The following PPP3CA variants were observed in gnomAD, a reference collection of about 807,000 sequenced individuals.
The protein encoded by PPP3CA is CAM-PRP catalytic subunit.
A neutral mutation model predicts 66.5 loss-of-function variants in PPP3CA; 14 were observed. That is an observed-to-expected ratio of 0.21 (90% CI 0.14 to 0.33). The LOEUF (loss-of-function observed/expected upper bound fraction) is 0.33, where lower values mean the gene tolerates loss of function less well. Ranked by LOEUF, PPP3CA falls within the 10% of genes least tolerant of loss-of-function variation. PPP3CA has a pLI of 1.00. For synonymous variants in PPP3CA, 232 were observed against 226.2 expected (o/e 1.03, Z -0.23); for missense variants, 317 against 639.5 (o/e 0.50, Z 5.44).
chr4:101,165,427 C>T lies in PPP3CA; in HGVS notation c.259+30489G>A, dbSNP rs941934736. 3.3e-5 allele frequency among the ~76,000 whole-genome samples: 5 copies of T among 151,990 alleles called. No individual in the cohort carries two copies. The East Asian group carries it at 7.7e-4, about 23-fold the overall frequency. ...TTTTTTACCTGTACAATCTTTAAGA[C>T]AGATTCAGACAGACACAAACTTAAA... On this transcript the variant is annotated intron_variant, in intron 2 of 13. Transcript: ENST00000394854.
chr4:101,213,906 G>T (rs147978924), intron 1 of PPP3CA, among the ~76,000 whole-genome samples: 1 of 152,088 alleles, frequency 6.6e-6, no homozygotes, highest in Admixed American at 6.6e-5. Context: ...AGAGAAGAAG[G>T]AAATTGAAGA....
rs529113126 is a variant in PPP3CA, at chr4:101,239,490, G to C, written c.59-43374C>G. ...AGAAAACAATTCCACTTAAGTATAG[G>C]ACAAGACCTAAGGACAATTAGGAAA... On this transcript the variant is annotated intron_variant, in intron 1 of 13. Coordinates refer to ENST00000394854, the MANE Select transcript of PPP3CA (RefSeq NM_000944.5). Among the ~76,000 whole-genome samples the C allele has an allele frequency of 2.2e-4, 34 of 152,106 alleles. No homozygotes were observed. In the South Asian group the frequency reaches 6.9e-3, roughly 31 times the overall value.
intron 10 of PPP3CA, among the ~76,000 whole-genome samples, chr4:101,059,992 ATGTG>A (rs1488428393): frequency 6.6e-6 from 1 of 152,076 alleles, no homozygotes; most frequent in Non-Finnish European, 1.5e-5. Flanking sequence ...AAAAGTCTGT[ATGTG>A]TTCAGTATAG....
At chr4:101,055,227 C>T (rs1447582421) in intron 10 of PPP3CA, among the ~76,000 whole-genome samples, 2 of 152,052 alleles carry the variant, frequency 1.3e-5, no homozygotes, top group East Asian at 3.8e-4. Flanking sequence ...AATAAAGAAA[C>T]TCTTGTAATG....
intron 1 of PPP3CA, among the ~76,000 whole-genome samples, chr4:101,276,983 ACC>A: frequency 4.9e-5 from 1 of 20,496 alleles, no homozygotes; most frequent in African/African-American, 1.3e-4. Context: ...TATGGCTAGG[ACC>A]TGATATTTTC....
chr4:101,063,013 C>T (rs1728538192), intron 9 of PPP3CA, among the ~76,000 whole-genome samples: 1 of 150,766 alleles, frequency 6.6e-6, no homozygotes, highest in Admixed American at 6.6e-5. Context: ...CTAAATATTC[C>T]TGTGTTTTGT....
chr4:101,048,120 CTA>C (rs1382356311), intron 10 of PPP3CA, among the ~76,000 whole-genome samples: 1 of 152,012 alleles, frequency 6.6e-6, no homozygotes, highest in Admixed American at 6.6e-5. Context: ...TTCATAGTGA[CTA>C]TGTCTAAGGA....
At chr4:101,252,496 C>T (rs1176519630) in intron 1 of PPP3CA, among the ~76,000 whole-genome samples, 2 of 152,066 alleles carry the variant, frequency 1.3e-5, no homozygotes, top group Non-Finnish European at 2.9e-5. Flanking sequence ...AAAACTAAGG[C>T]ATACCACTGT....
intron 1 of PPP3CA, among the ~76,000 whole-genome samples, chr4:101,244,163 T>C (rs1313881962): frequency 6.6e-6 from 1 of 152,200 alleles, no homozygotes; most frequent in Non-Finnish European, 1.5e-5. Context: ...TTAGTTTCAA[T>C]GTTATTTTTA....
intron 10 of PPP3CA, among the ~76,000 whole-genome samples, chr4:101,046,811 A>T (rs1379796637): frequency 6.6e-6 from 1 of 152,202 alleles, no homozygotes; most frequent in East Asian, 1.9e-4. Flanking sequence ...TCTTGATGAA[A>T]TGAAGCATAA....
intron 2 of PPP3CA, among the ~76,000 whole-genome samples, chr4:101,159,734 T>C (rs556672699): frequency 6.6e-4 from 100 of 152,298 alleles, no homozygotes; most frequent in African/African-American, 2.2e-3. Context: ...ATTCACAGAA[T>C]ATAGTCTTAT....
chr4:101,221,928 T>G (rs1725637535), intron 1 of PPP3CA, among the ~76,000 whole-genome samples: 1 of 151,632 alleles, frequency 6.6e-6, no homozygotes, highest in South Asian at 2.1e-4. Context: ...GATTGCATTC[T>G]TAATATTACC....
At chr4:101,063,022 G>A (rs1578413152) in intron 9 of PPP3CA, among the ~76,000 whole-genome samples, 1 of 142,120 alleles carries the variant, frequency 7.0e-6, no homozygotes, top group African/African-American at 2.6e-5. Flanking sequence ...CCTGTGTTTT[G>A]TTTTTTTTTT....
intron 2 of PPP3CA, among the ~76,000 whole-genome samples, chr4:101,114,032 T>A (rs961354819): frequency 6.6e-6 from 1 of 152,144 alleles, no homozygotes; most frequent in Non-Finnish European, 1.5e-5. Flanking sequence ...CACATTCTCC[T>A]GGCTTCCCAT....
At chr4:101,104,761 C>A (rs1730586876) in intron 3 of PPP3CA, among the ~76,000 whole-genome samples, 1 of 152,072 alleles carries the variant, frequency 6.6e-6, no homozygotes, top group Non-Finnish European at 1.5e-5. Context: ...ATATAAATGT[C>A]CATGCTATTT....
At chr4:101,310,916 AG>A (rs1476983973) in intron 1 of PPP3CA, among the ~76,000 whole-genome samples, 2 of 152,194 alleles carry the variant, frequency 1.3e-5, no homozygotes, top group African/African-American at 4.8e-5. Flanking sequence ...ATCATCCTAA[AG>A]AGTACAAAAT....
chr4:101,207,587 G>A (rs1391801754), intron 1 of PPP3CA, among the ~76,000 whole-genome samples: 2 of 152,184 alleles, frequency 1.3e-5, no homozygotes, highest in African/African-American at 4.8e-5. Context: ...CCAGCACTGG[G>A]AGGCCGAGGT....
chr4:101,346,852 A>T lies in PPP3CA; in HGVS notation c.-56T>A. On this transcript the variant is annotated 5_prime_UTR_variant, in exon 1 of 14. Coordinates refer to ENST00000394854, the MANE Select transcript of PPP3CA (RefSeq NM_000944.5). ...CTCGTCCGTCCGACTGCACACCCCG[A>T]CCGGACCGGCGGGCCAGACACTCAA... The T allele has an allele frequency of 6.3e-7, 1 of 1,576,860 alleles. No individual in the cohort carries two copies. The highest frequency in any genetic ancestry group is 8.6e-7 in the Non-Finnish European group (1 of 1,161,814).
intron 1 of PPP3CA, among the ~76,000 whole-genome samples, chr4:101,293,588 C>A (rs1163207643): frequency 6.6e-6 from 1 of 152,186 alleles, no homozygotes; most frequent in African/African-American, 2.4e-5. Context: ...TGTCCTATAA[C>A]ACACATGGGC....
Sources: allele counts gnomAD v4.1 joint callset (sites outside exome capture counted in the v4.1 genomes callset), GRCh38; gene constraint gnomAD v4.1.1; transcripts MANE v1.5; gene names NCBI Gene and HGNC (gene_info 2026-07-23, HGNC 2026-07-21).